The following TYW1 variants were observed in gnomAD, a reference collection of about 807,000 sequenced individuals.
The protein encoded by TYW1 is tRNA-yW synthesizing protein 1 homolog, also known as S-adenosyl-L-methionine-dependent tRNA 4-demethylwyosine synthase TYW1.
A neutral mutation model predicts 96.2 loss-of-function variants in TYW1; 46 were observed. The observed-to-expected ratio is 0.48, with a 90% CI of 0.38 to 0.61. The LOEUF (loss-of-function observed/expected upper bound fraction) is 0.61. Among genes scored for constraint, TYW1 ranks in the 20% least tolerant of loss-of-function variants. TYW1 has a pLI of 0.00. For synonymous variants in TYW1, 274 were observed against 323.0 expected, an observed-to-expected ratio of 0.85 and a Z score of 1.63; for missense variants, 684 against 909.6, an observed-to-expected ratio of 0.75 and a Z score of 3.19.
At chr7:67,220,715 A>G (rs1182783036) in intron 15 of TYW1, among the ~76,000 whole-genome samples, 3 of 150,380 alleles carry the variant, frequency 2.0e-5, no homozygotes, top group Admixed American at 6.7e-5. Flanking sequence ...GTGCCCTTCA[A>G]GTGCTTTATT....
intron 15 of TYW1, among the ~76,000 whole-genome samples, chr7:67,212,023 T>C (rs1801047854): frequency 6.6e-6 from 1 of 152,216 alleles, no homozygotes; most frequent in Non-Finnish European, 1.5e-5. Context: ...TAAAATGCTA[T>C]AGATTTTGAC....
At chr7:67,086,953 A>G (rs1313931757) in intron 11 of TYW1, among the ~76,000 whole-genome samples, 2 of 152,120 alleles carry the variant, frequency 1.3e-5, no homozygotes, top group African/African-American at 4.8e-5. Context: ...TGGGACGATG[A>G]CTGAGGATGT....
intron 12 of TYW1, among the ~76,000 whole-genome samples, chr7:67,110,612 G>A (rs187828138): frequency 1.3e-5 from 2 of 152,200 alleles, no homozygotes; most frequent in Admixed American, 6.5e-5. Context: ...AGAAAACCAA[G>A]AAACGAACAA....
intron 11 of TYW1, among the ~76,000 whole-genome samples, chr7:67,094,150 C>T (rs1200857057): frequency 6.6e-6 from 1 of 152,010 alleles, no homozygotes; most frequent in Non-Finnish European, 1.5e-5. Context: ...CAGCTTCATC[C>T]ATGTTCCTGT....
At chr7:67,209,231 G>A (rs941869421) in intron 15 of TYW1, among the ~76,000 whole-genome samples, 2 of 152,240 alleles carry the variant, frequency 1.3e-5, no homozygotes, top group Non-Finnish European at 2.9e-5. Context: ...GGTTGAGCTA[G>A]AGGGACAAGG....
intron 7 of TYW1, among the ~76,000 whole-genome samples, chr7:67,037,019 G>A (rs1584489285): frequency 6.6e-6 from 1 of 152,182 alleles, no homozygotes. Flanking sequence ...CACTGTGCCT[G>A]GCCCAGTTTT....
intron 7 of TYW1, among the ~76,000 whole-genome samples, chr7:67,034,651 A>G (rs1172637229): frequency 1.3e-5 from 2 of 152,060 alleles, no homozygotes; most frequent in African/African-American, 4.8e-5. Flanking sequence ...TTAACATGAC[A>G]GCTTTCTGGT....
intron 7 of TYW1, among the ~76,000 whole-genome samples, chr7:67,029,162 C>G (rs1794559055): frequency 6.6e-6 from 1 of 151,800 alleles, no homozygotes; most frequent in African/African-American, 2.4e-5. Flanking sequence ...CTGCGCCCAG[C>G]TAATTTTTTG....
chr7:67,151,430 C>T (rs1457469511), intron 13 of TYW1, among the ~76,000 whole-genome samples: 1 of 152,066 alleles, frequency 6.6e-6, no homozygotes, highest in Non-Finnish European at 1.5e-5. Flanking sequence ...GACTGTAATC[C>T]AGAACCTTCT....
chr7:67,125,868 T>C (rs900856331), intron 13 of TYW1, among the ~76,000 whole-genome samples: 5 of 152,228 alleles, frequency 3.3e-5, no homozygotes, highest in Non-Finnish European at 7.3e-5. Flanking sequence ...AATATGCATT[T>C]AAGGTTCCTT....
intron 4 of TYW1, among the ~76,000 whole-genome samples, chr7:67,013,836 TG>T (rs550485447): frequency 0.012 from 1,842 of 149,062 alleles, 25 homozygotes; most frequent in Non-Finnish European, 0.02. Context: ...CTCTGCCTCC[TG>T]GATTCATGCC....
chr7:67,056,002 A>G (rs1022626590), intron 9 of TYW1, 115 bp downstream of exon 9: 71 of 791,604 alleles, frequency 9.0e-5, no homozygotes, highest in Non-Finnish European at 1.1e-4. Context: ...TAATTTGCAC[A>G]GATTTTTAAA....
At chr7:67,156,527 G>T (rs548293952) in intron 13 of TYW1, among the ~76,000 whole-genome samples, 18 of 152,264 alleles carry the variant, frequency 1.2e-4, no homozygotes, top group Admixed American at 3.3e-4. Context: ...CACATGTTTT[G>T]GCTCTTTTCG....
chr7:67,215,028 A>T (rs1349676992), intron 15 of TYW1, among the ~76,000 whole-genome samples: 1 of 148,762 alleles, frequency 6.7e-6, no homozygotes, highest in Non-Finnish European at 1.5e-5. Context: ...TGGGTTAGGA[A>T]GTGTTTCCTC....
intron 6 of TYW1, among the ~76,000 whole-genome samples, chr7:67,021,566 A>G (rs1794276423): frequency 6.6e-6 from 1 of 151,898 alleles, no homozygotes; most frequent in Non-Finnish European, 1.5e-5. Context: ...TCCTTTTCGT[A>G]TTCCTAAACC....
rs2116462910 is a variant in TYW1, at chr7:67,238,677, G to C, written c.*148G>C. 3 of 1,442,646 alleles carry C rather than the reference G, an allele frequency of 2.1e-6. No individual in the cohort carries two copies. Among genetic ancestry groups the C allele is most frequent in the South Asian group, 3.0e-5 (2 of 65,806 alleles). 89.4% of individuals were successfully genotyped at this position (1,442,646 alleles called of 1,614,324 possible). A position where few individuals can be genotyped will look rare whatever the true frequency, so the allele number is the denominator to read the frequency against. Reference sequence around the variant, plus strand: ...AAGGCAGTAAACATGGAGACACGGGGGACAGCGTCCACACTCAGAGGGCCT... The same window carrying C: ...AAGGCAGTAAACATGGAGACACGGGCGACAGCGTCCACACTCAGAGGGCCT... On this transcript the variant is annotated 3_prime_UTR_variant, in exon 16 of 16. Coordinates refer to ENST00000359626, the MANE Select transcript of TYW1 (RefSeq NM_018264.4).
chr7:67,037,614 C>T (rs1179565937), intron 7 of TYW1, among the ~76,000 whole-genome samples: 1 of 151,108 alleles, frequency 6.6e-6, no homozygotes, highest in East Asian at 1.9e-4. Flanking sequence ...CTTTATTGTA[C>T]ACTGTGTTTC....
chr7:67,061,032 A>G (rs1795678856), intron 9 of TYW1, among the ~76,000 whole-genome samples: 1 of 152,182 alleles, frequency 6.6e-6, no homozygotes. Flanking sequence ...GTTCAAGACT[A>G]GCCTGGCCAA....
chr7:67,222,105 G>A (rs1178868781), intron 15 of TYW1, among the ~76,000 whole-genome samples: 2 of 152,072 alleles, frequency 1.3e-5, no homozygotes, highest in Non-Finnish European at 2.9e-5. Flanking sequence ...GCTGAGGCAC[G>A]AGAATTGCTT....
Sources: gnomAD v4.1 joint callset for allele counts (sites outside exome capture counted in the v4.1 genomes callset) on GRCh38, gnomAD v4.1.1 for gene constraint, MANE v1.5 for transcripts, NCBI Gene and HGNC (gene_info 2026-07-23, HGNC 2026-07-21) for gene names.